Variants in MYO1B observed in about 807,000 individuals in gnomAD.
MYO1B encodes myosin IB, also known as unconventional myosin-Ib.
MYO1B carries 72 observed loss-of-function variants against 159.7 expected under a neutral mutation model. The ratio of observed to expected loss-of-function variants is 0.45; its 90% CI spans 0.37 to 0.55. The LOEUF is 0.55. Ranked by LOEUF, MYO1B falls within the 20% of genes least tolerant of loss-of-function variation. MYO1B has a pLI of 0.00. For synonymous variants in MYO1B, 468 were observed against 473.8 expected, an observed-to-expected ratio of 0.99 and a Z score of 0.16; for missense variants, 1,062 against 1,364.8, an observed-to-expected ratio of 0.78 and a Z score of 3.50.
In MYO1B at chr2:191,276,994, C is replaced by T. The variant is rs1687791915; in HGVS notation, c.99C>T (p.Asn33=). The change falls in exon 2 of 31, where the codon AAC becomes AAT. Residue 33 remains asparagine, a synonymous_variant. Coordinates refer to ENST00000392318, the MANE Select transcript of MYO1B (RefSeq NM_001130158.3). ...CTCTCAATGAGGAGACCTTCATCAA[C>T]AACCTCAAGAAGCGCTTTGACCACA... The part of the protein sequence containing the change: ...LEPLNEETFI[N]NLKKRFDHSE... 6.2e-7 allele frequency: 1 copy of T among 1,614,028 alleles called. No individual in the cohort carries two copies.
intron 2 of MYO1B, among the ~76,000 whole-genome samples, chr2:191,288,243 T>TA (rs5837228): frequency 2.8e-5 from 4 of 145,276 alleles, no homozygotes; most frequent in African/African-American, 1.0e-4. Flanking sequence ...TAGCTTAGCT[T>TA]AAAAAAAAAA....
At chr2:191,363,666 TTAAAA>T (rs1693818486) in intron 9 of MYO1B, 57 bp from the exon 10 acceptor site, 1 of 1,528,514 alleles carries the variant, frequency 6.5e-7, no homozygotes, top group East Asian at 2.4e-5. Context: ...ATATGATTCA[TTAAAA>T]AAGAAAAGAA....
chr2:191,289,473 A>G (rs888453853), intron 2 of MYO1B, among the ~76,000 whole-genome samples: 14 of 152,180 alleles, frequency 9.2e-5, no homozygotes, highest in Non-Finnish European at 1.9e-4. Flanking sequence ...TTTAGTAGAA[A>G]GGTGTGTATG....
intron 7 of MYO1B, among the ~76,000 whole-genome samples, chr2:191,359,548 G>C (rs6706103): frequency 0.48 from 73,021 of 151,836 alleles, 18,626 homozygotes; most frequent in African/African-American, 0.66. Flanking sequence ...TTTGGAGCAC[G>C]CTAGGACTTC....
At chr2:191,340,933 C>A (rs1574465804) in intron 4 of MYO1B, among the ~76,000 whole-genome samples, 1 of 152,080 alleles carries the variant, frequency 6.6e-6, no homozygotes, top group South Asian at 2.1e-4. Flanking sequence ...CCATATCAGC[C>A]AGGCTGGTCT....
chr2:191,355,431 G>T (rs1342116919), intron 7 of MYO1B, among the ~76,000 whole-genome samples: 1 of 152,210 alleles, frequency 6.6e-6, no homozygotes, highest in East Asian at 1.9e-4. Context: ...ACCCAGTTTG[G>T]AAGCACTTGT....
chr2:191,294,348 A>G (rs935169887), intron 2 of MYO1B, among the ~76,000 whole-genome samples: 2 of 152,236 alleles, frequency 1.3e-5, no homozygotes, highest in African/African-American at 2.4e-5. Context: ...ATTGTATTCA[A>G]GAAAAAGGGA....
At chr2:191,320,803 T>C (rs1290497964) in intron 3 of MYO1B, among the ~76,000 whole-genome samples, 2 of 152,064 alleles carry the variant, frequency 1.3e-5, no homozygotes, top group African/African-American at 4.8e-5. Context: ...TTGAAGAAGT[T>C]GATAGCCTTT....
At chr2:191,362,476 C>G (rs1574511189) in intron 9 of MYO1B, 105 bp downstream of exon 9, 1 of 725,862 alleles carries the variant, frequency 1.4e-6, no homozygotes, top group Non-Finnish European at 2.2e-6. Flanking sequence ...CTCATTCTCC[C>G]TAAGGTTTTA....
chr2:191,313,241 A>T (rs1243800171), intron 3 of MYO1B, among the ~76,000 whole-genome samples: 1 of 74,176 alleles, frequency 1.3e-5, no homozygotes, highest in African/African-American at 5.5e-5. Context: ...ACGGAGTTTC[A>T]CTCTTGTTGC....
At chr2:191,253,556 TTAAC>T (rs1450521141) in intron 1 of MYO1B, among the ~76,000 whole-genome samples, 1 of 147,442 alleles carries the variant, frequency 6.8e-6, no homozygotes, top group African/African-American at 2.4e-5. Context: ...TCTTCTGAAC[TTAAC>T]TGTTTCACAA....
At chr2:191,274,874 G>C (rs965508016) in intron 1 of MYO1B, among the ~76,000 whole-genome samples, 18 of 151,942 alleles carry the variant, frequency 1.2e-4, no homozygotes, top group African/African-American at 4.3e-4. Flanking sequence ...GGCCGACGTT[G>C]TTGAGTTTTA....
intron 2 of MYO1B, among the ~76,000 whole-genome samples, chr2:191,280,052 A>G (rs1338234595): frequency 1.3e-5 from 2 of 152,076 alleles, no homozygotes; most frequent in Non-Finnish European, 2.9e-5. Flanking sequence ...CTCCCCCAAC[A>G]TATTTAGAAA....
At chr2:191,294,398 AT>A (rs939929720) in intron 2 of MYO1B, among the ~76,000 whole-genome samples, 2 of 152,186 alleles carry the variant, frequency 1.3e-5, no homozygotes, top group Admixed American at 1.3e-4. Context: ...AAGAAGGTTG[AT>A]TTTTTTAACC....
chr2:191,305,646 T>C (rs776276358), intron 3 of MYO1B, among the ~76,000 whole-genome samples: 1 of 152,148 alleles, frequency 6.6e-6, no homozygotes, highest in Non-Finnish European at 1.5e-5. Flanking sequence ...GATAAATAAA[T>C]ACCGAAGGGA....
chr2:191,333,505 C>T (rs1261005622), intron 4 of MYO1B, among the ~76,000 whole-genome samples: 1 of 152,144 alleles, frequency 6.6e-6, no homozygotes, highest in African/African-American at 2.4e-5. Context: ...TCAGTTCTGG[C>T]TCTAGAATAT....
Position 191,330,040 on chromosome 2 carries a change from T to C in MYO1B, c.346+11T>C, listed in dbSNP as rs1354992092. 9 of 1,607,178 alleles carry C rather than the reference T, an allele frequency of 5.6e-6. No individual in the cohort carries two copies. In the East Asian group the frequency reaches 1.8e-4, roughly 32 times the overall value. Reference sequence around the variant, plus strand: ...GAGCAGGAAAAACAGGTAAGGCTCCTACCAAGCAACTCTGCAGAAGGTAAA... The same window carrying C: ...GAGCAGGAAAAACAGGTAAGGCTCCCACCAAGCAACTCTGCAGAAGGTAAA... On this transcript the variant is annotated intron_variant, in intron 4 of 30. Coordinates refer to ENST00000392318, the MANE Select transcript of MYO1B (RefSeq NM_001130158.3).
intron 2 of MYO1B, among the ~76,000 whole-genome samples, chr2:191,295,280 G>A (rs1688917394): frequency 6.6e-6 from 1 of 152,088 alleles, no homozygotes; most frequent in African/African-American, 2.4e-5. Flanking sequence ...TTGCACAGAA[G>A]GAACTAAACC....
chr2:191,292,297 T>G (rs1016864710), intron 2 of MYO1B, among the ~76,000 whole-genome samples: 2 of 152,184 alleles, frequency 1.3e-5, no homozygotes, highest in Non-Finnish European at 2.9e-5. Flanking sequence ...ATGCCAAATA[T>G]GAGTGAGCAT....
Sources: gnomAD v4.1 joint callset for allele counts (sites outside exome capture counted in the v4.1 genomes callset) on GRCh38, gnomAD v4.1.1 for gene constraint, MANE v1.5 for transcripts, NCBI Gene and HGNC (gene_info 2026-07-23, HGNC 2026-07-21) for gene names.